PTPRK: variants seen among roughly 807,000 people sequenced by gnomAD.
PTPRK encodes protein tyrosine phosphatase receptor type K.
In PTPRK, 75 loss-of-function variants were observed where a neutral mutation model predicts 178.0. That is an observed-to-expected ratio of 0.42 (90% CI 0.35 to 0.51). PTPRK has a LOEUF of 0.51. Among genes scored for constraint, PTPRK ranks in the 20% least tolerant of loss-of-function variants. PTPRK has a pLI of 0.02. For synonymous variants in PTPRK, 637 were observed against 620.6 expected (o/e 1.03, Z -0.39); for missense variants, 1,441 against 1,797.8 (o/e 0.80, Z 3.59).
intron 1 of PTPRK, among the ~76,000 whole-genome samples, chr6:128,468,934 A>C (rs1278811282): frequency 1.3e-5 from 2 of 151,744 alleles, no homozygotes; most frequent in South Asian, 4.1e-4. Flanking sequence ...AAAAAAAAAA[A>C]AAAAAACCTT....
intron 3 of PTPRK, among the ~76,000 whole-genome samples, chr6:128,266,185 T>A (rs1279216260): frequency 6.6e-6 from 1 of 152,118 alleles, no homozygotes; most frequent in Non-Finnish European, 1.5e-5. Context: ...CAGTAGGTTG[T>A]GGATACAGAA....
chr6:128,520,540 G>A lies in PTPRK; in HGVS notation c.-182C>T, dbSNP rs114947727. The stretch of plus-strand genomic sequence containing the variant: ...TACCTCAGGGGCGAAAGCGTCGCCA[G>A]CGTCGCCGGCCGGCCGCGGCGGCAG... On this transcript the variant is annotated 5_prime_UTR_variant, in exon 1 of 30. Transcript: ENST00000368226. The A allele has an allele frequency of 1.7e-6, 1 of 589,084 alleles. No individual in the cohort carries two copies. The highest frequency in any genetic ancestry group is 2.2e-5 in the South Asian group (1 of 46,352). The allele number at this position is 589,084 out of a possible 1,614,324, so 36.5% of individuals were successfully genotyped here.
chr6:128,184,365 G>A, intron 7 of PTPRK, 67 bp downstream of exon 7: 1 of 1,451,294 alleles, frequency 6.9e-7, no homozygotes. Context: ...CTTCAACACT[G>A]CATGTATTAA....
At chr6:128,147,852 C>T (rs1345137015) in intron 7 of PTPRK, among the ~76,000 whole-genome samples, 4 of 152,166 alleles carry the variant, frequency 2.6e-5, no homozygotes, top group Admixed American at 2.0e-4. Context: ...TCCTTTCCTT[C>T]TCTCCAACCA....
chr6:128,483,698 C>G (rs940112286), intron 1 of PTPRK, among the ~76,000 whole-genome samples: 2 of 152,096 alleles, frequency 1.3e-5, no homozygotes, highest in Non-Finnish European at 2.9e-5. Context: ...ACAGCTATCC[C>G]TTGATATGAC....
chr6:128,161,740 A>C lies in PTPRK; in HGVS notation c.1162+22692T>G, dbSNP rs192211971. Among the ~76,000 whole-genome samples, 258 of 151,770 alleles carry C rather than the reference A, an allele frequency of 1.7e-3. 2 individuals are homozygous for C. Among genetic ancestry groups the C allele is most frequent in the African/African-American group, 5.9e-3 (245 of 41,506 alleles). On this transcript the variant is annotated intron_variant, in intron 7 of 29. Coordinates refer to ENST00000368226, the MANE Select transcript of PTPRK (RefSeq NM_002844.4). ...AAATTTCAAAGTTTGATTTTCAAGA[A>C]GTACACTGTACTCTTATATGCTTAT...
At chr6:128,404,175 G>A (rs149381967) in intron 1 of PTPRK, among the ~76,000 whole-genome samples, 3 of 152,244 alleles carry the variant, frequency 2.0e-5, no homozygotes, top group Admixed American at 6.5e-5. Flanking sequence ...GAGGAGTAGC[G>A]GTGAGCCACA....
chr6:128,325,561 TA>T lies in PTPRK; in HGVS notation c.224-3252del, dbSNP rs567499243. Among the ~76,000 whole-genome samples, 53 of 145,176 alleles carry T rather than the reference TA, an allele frequency of 3.7e-4. No homozygotes were observed. In the South Asian group the frequency reaches 9.4e-3, roughly 26 times the overall value. ...AAGACATTTATGCGGCCAACAAACA[TA>T]AAAAAAAAGGTCATCATCACTGGTC... On this transcript the variant is annotated intron_variant, in intron 2 of 29. Coordinates refer to ENST00000368226, the MANE Select transcript of PTPRK (RefSeq NM_002844.4).
intron 2 of PTPRK, among the ~76,000 whole-genome samples, chr6:128,325,043 G>C (rs1392496651): frequency 2.0e-5 from 3 of 152,168 alleles, no homozygotes; most frequent in Non-Finnish European, 4.4e-5. Flanking sequence ...TCTAACAAGA[G>C]TTTAGTTATC....
At position 128,176,198 on chromosome 6, in the gene PTPRK, G is replaced by T. The variant is rs563381749; in HGVS notation, c.1162+8234C>A. Among the ~76,000 whole-genome samples, 9 of 151,822 alleles carry T rather than the reference G, an allele frequency of 5.9e-5. No homozygotes were observed. The East Asian group carries it at 1.7e-3, about 29-fold the overall frequency. On this transcript the variant is annotated intron_variant, in intron 7 of 29. Coordinates refer to ENST00000368226, the MANE Select transcript of PTPRK (RefSeq NM_002844.4). ...GTGTATATTCCTTGTATTAGCAAAAGGTATTATAGGTTCATATGTAACAAA... is the reference window on the plus strand; with the variant it reads ...GTGTATATTCCTTGTATTAGCAAAATGTATTATAGGTTCATATGTAACAAA...
chr6:128,030,131 G>T (rs1471410662), intron 13 of PTPRK, among the ~76,000 whole-genome samples: 1 of 152,194 alleles, frequency 6.6e-6, no homozygotes. Flanking sequence ...GATATGAGCT[G>T]ATAGTGCTGG....
intron 1 of PTPRK, among the ~76,000 whole-genome samples, chr6:128,404,325 C>T (rs754218868): frequency 6.6e-6 from 1 of 152,202 alleles, no homozygotes; most frequent in Non-Finnish European, 1.5e-5. Context: ...GCCTTCCGTC[C>T]AAATGCTTCA....
chr6:128,236,391 C>T (rs6931655), intron 5 of PTPRK, among the ~76,000 whole-genome samples: 1 of 148,450 alleles, frequency 6.7e-6, no homozygotes, highest in African/African-American at 2.5e-5. Flanking sequence ...CTCTGTCACC[C>T]AGGCTGGAGT....
At chr6:128,360,632 T>C (rs1834607492) in intron 2 of PTPRK, among the ~76,000 whole-genome samples, 1 of 152,172 alleles carries the variant, frequency 6.6e-6, no homozygotes, top group African/African-American at 2.4e-5. Flanking sequence ...GCAGAATTCC[T>C]AGACTAATTC....
At chr6:128,342,922 A>G (rs1831870797) in intron 2 of PTPRK, among the ~76,000 whole-genome samples, 1 of 150,408 alleles carries the variant, frequency 6.6e-6, no homozygotes, top group Non-Finnish European at 1.5e-5. Context: ...CCTCATTTCT[A>G]AAAAAAAACA....
intron 1 of PTPRK, among the ~76,000 whole-genome samples, chr6:128,450,046 G>A (rs1169094732): frequency 1.3e-5 from 2 of 151,710 alleles, no homozygotes. Context: ...TTGGGGGCGG[G>A]GGCGGAGGTT....
At chr6:128,156,773 T>G (rs1386094611) in intron 7 of PTPRK, among the ~76,000 whole-genome samples, 3 of 152,006 alleles carry the variant, frequency 2.0e-5, no homozygotes, top group Non-Finnish European at 4.4e-5. Flanking sequence ...ATAGAAGTTT[T>G]GGGATCCACT....
At chr6:128,039,905 T>G (rs1776885229) in intron 13 of PTPRK, among the ~76,000 whole-genome samples, 1 of 152,180 alleles carries the variant, frequency 6.6e-6, no homozygotes, top group Non-Finnish European at 1.5e-5. Flanking sequence ...ATTTAGCGCC[T>G]GGTGGAAGAG....
At chr6:128,238,107 C>A in intron 5 of PTPRK, 1 of 442,348 alleles carries the variant, frequency 2.3e-6, no homozygotes, top group African/African-American at 2.1e-5. Context: ...GGTGAATATG[C>A]ACACTACTGA....
Sources: allele counts gnomAD v4.1 joint callset (sites outside exome capture counted in the v4.1 genomes callset), GRCh38; gene constraint gnomAD v4.1.1; transcripts MANE v1.5; gene names NCBI Gene and HGNC (gene_info 2026-07-23, HGNC 2026-07-21).